Variants in NRDC observed in about 807,000 individuals in gnomAD.
NRDC encodes nardilysin convertase.
NRDC carries 54 observed loss-of-function variants against 147.1 expected under a neutral mutation model. That is an observed-to-expected ratio of 0.37 (90% CI 0.29 to 0.46). The LOEUF (loss-of-function observed/expected upper bound fraction) is 0.46, where lower values mean the gene tolerates loss of function less well. NRDC is among the 20% of genes least tolerant of loss of function. The probability of loss-of-function intolerance (pLI) is 1.00; values close to 1 mark genes in which losing one functional copy is unlikely to be tolerated. For missense variants in NRDC, 1,082 were observed against 1,370.6 expected (o/e 0.79, Z 3.33); for synonymous variants, 440 against 482.1 (o/e 0.91, Z 1.14).
In NRDC at chr1:51,814,540, G is replaced by A; in HGVS notation, c.1619+11C>T. On this transcript the variant is annotated intron_variant, in intron 13 of 30. Transcript: ENST00000352171. The stretch of plus-strand genomic sequence containing the variant: ...CTGGCTCCTGGCCTCATTCCAGGAA[G>A]TGTTTATTACCTTTTTTCTGGGCCT... 6.2e-7 allele frequency: 1 copy of A among 1,612,142 alleles called. No homozygotes were observed. The highest frequency in any genetic ancestry group is 8.5e-7 in the Non-Finnish European group (1 of 1,178,424).
At chr1:51,813,051 G>T (rs1304336981) in intron 14 of NRDC, among the ~76,000 whole-genome samples, 1 of 151,906 alleles carries the variant, frequency 6.6e-6, no homozygotes, top group Non-Finnish European at 1.5e-5. Context: ...AGGCCAATGA[G>T]GGAGGATAAC....
intron 6 of NRDC, among the ~76,000 whole-genome samples, chr1:51,824,404 G>T (rs150790810): frequency 6.6e-6 from 1 of 152,044 alleles, no homozygotes; most frequent in Admixed American, 6.6e-5. Context: ...GATTACAGGC[G>T]TGAGCCACCG....
chr1:51,813,533 G>A (rs1392417470), intron 14 of NRDC, among the ~76,000 whole-genome samples: 2 of 152,058 alleles, frequency 1.3e-5, no homozygotes, highest in Non-Finnish European at 2.9e-5. Context: ...CTGGGCTCAA[G>A]CAACCTGCCT....
At chr1:51,804,047 G>T in intron 19 of NRDC, 83 bp from the exon 20 acceptor site, 1 of 1,212,878 alleles carries the variant, frequency 8.2e-7, no homozygotes, top group Non-Finnish European at 1.1e-6. Context: ...AGAGTAAGCA[G>T]CTTCATTTTT....
intron 5 of NRDC, among the ~76,000 whole-genome samples, chr1:51,825,838 A>C (rs760990663): frequency 6.6e-6 from 1 of 152,212 alleles, no homozygotes; most frequent in Non-Finnish European, 1.5e-5. Flanking sequence ...ACCGCTAAAG[A>C]CTGAATGTTT....
chr1:51,819,796 A>T lies in NRDC; in HGVS notation c.1291+4T>A, dbSNP rs1243420700. The T allele has an allele frequency of 6.3e-7, 1 of 1,599,490 alleles. No individual in the cohort carries two copies. Among genetic ancestry groups the T allele is most frequent in the Admixed American group, 1.7e-5 (1 of 59,088 alleles). ...AAACAGTTTTAAACTTTTGGTTCAC[A>T]AACCTCTATAAAGTTTGTTAAATGC... is the stretch of plus-strand genomic sequence containing the variant. On this transcript the variant is annotated splice_donor_region_variant and intron_variant, in intron 9 of 30. Coordinates refer to ENST00000352171, the MANE Select transcript of NRDC (RefSeq NM_001101662.2).
chr1:51,792,551 T>C (rs1678706379), intron 24 of NRDC, 127 bp from the exon 25 acceptor site: 3 of 782,040 alleles, frequency 3.8e-6, no homozygotes, highest in East Asian at 2.6e-5. Context: ...GAGTTAATCA[T>C]ACTTTGATGT....
chr1:51,872,322 TA>T (rs1388511520), intron 1 of NRDC, among the ~76,000 whole-genome samples: 2 of 152,080 alleles, frequency 1.3e-5, no homozygotes, highest in Non-Finnish European at 2.9e-5. Context: ...CTTATTTTCC[TA>T]AAACACACAG....
chr1:51,801,416 C>T (rs1679190370), intron 20 of NRDC: 1 of 152,038 alleles, frequency 6.6e-6, no homozygotes, highest in Non-Finnish European at 1.5e-5. Flanking sequence ...GCCTCATACT[C>T]CGGAGGAGTT....
intron 6 of NRDC, among the ~76,000 whole-genome samples, chr1:51,824,025 C>T (rs933338837): frequency 1.3e-5 from 2 of 151,760 alleles, no homozygotes; most frequent in African/African-American, 4.8e-5. Context: ...CTTAAAAAAA[C>T]AGACAATAAC....
chr1:51,800,849 G>C (rs529302735), intron 20 of NRDC, 166 bp from the exon 21 acceptor site: 1 of 641,958 alleles, frequency 1.6e-6, no homozygotes, highest in Non-Finnish European at 2.6e-6. Flanking sequence ...TGTTTGTTTG[G>C]GTGTTACCTG....
At chr1:51,869,203 A>C (rs2124119607) in intron 1 of NRDC, among the ~76,000 whole-genome samples, 1 of 152,192 alleles carries the variant, frequency 6.6e-6, no homozygotes, top group South Asian at 2.1e-4. Flanking sequence ...TCCTGCCTTG[A>C]CTTAAGATGC....
intron 22 of NRDC, among the ~76,000 whole-genome samples, chr1:51,796,388 C>T (rs1038804132): frequency 5.3e-5 from 8 of 151,504 alleles, no homozygotes; most frequent in Non-Finnish European, 8.8e-5. Flanking sequence ...ACAAGATGCC[C>T]ACCACCACAC....
chr1:51,866,933 T>C (rs536143017), intron 1 of NRDC, among the ~76,000 whole-genome samples: 8 of 152,278 alleles, frequency 5.3e-5, no homozygotes, highest in African/African-American at 1.9e-4. Flanking sequence ...CTGTTATCTG[T>C]AAGGTTTTGT....
intron 1 of NRDC, among the ~76,000 whole-genome samples, chr1:51,858,558 C>A (rs1354267526): frequency 6.6e-6 from 1 of 151,142 alleles, no homozygotes; most frequent in Non-Finnish European, 1.5e-5. Context: ...GGCATAAACA[C>A]TATCCTGCCT....
chr1:51,789,285 G>A lies in NRDC; in HGVS notation c.3407C>T (p.Ala1136Val). The A allele has an allele frequency of 6.2e-7, 1 of 1,614,144 alleles. No homozygotes were observed. Among genetic ancestry groups the A allele is most frequent in the Non-Finnish European group, 8.5e-7 (1 of 1,179,998 alleles). ...GAGAAGGTTGAGTGTTGTTGTGAAA[G>A]CCCTGATATCAGTAATGGGGATGAT... The part of the protein sequence containing the change: ...DCIIPITDIR[A>V]FTTTLNLLPY... The change falls in exon 31 of 31, where the codon GCT becomes GTT. Residue 1136 changes from alanine to valine, a missense_variant. By Grantham distance (64) the Ala-to-Val change is moderately conservative. Coordinates refer to ENST00000352171, the MANE Select transcript of NRDC (RefSeq NM_001101662.2).
intron 1 of NRDC, among the ~76,000 whole-genome samples, chr1:51,851,013 C>A (rs1681920283): frequency 6.6e-6 from 1 of 152,180 alleles, no homozygotes; most frequent in Non-Finnish European, 1.5e-5. Context: ...GGTGCCTCAT[C>A]TGTACCACAT....
At chr1:51,872,877 TACAAG>T (rs1044806686) in intron 1 of NRDC, among the ~76,000 whole-genome samples, 1 of 149,034 alleles carries the variant, frequency 6.7e-6, no homozygotes, top group Non-Finnish European at 1.5e-5. Flanking sequence ...ACCTTTACTT[TACAAG>T]ACAAGTGAGA....
intron 1 of NRDC, among the ~76,000 whole-genome samples, chr1:51,852,004 T>C (rs1681973093): frequency 6.6e-6 from 1 of 152,172 alleles, no homozygotes; most frequent in South Asian, 2.1e-4. Flanking sequence ...CTGTCCTCCA[T>C]CTGTGAGGGG....
Sources: gnomAD v4.1 joint callset for allele counts (sites outside exome capture counted in the v4.1 genomes callset) on GRCh38, gnomAD v4.1.1 for gene constraint, MANE v1.5 for transcripts, NCBI Gene and HGNC (gene_info 2026-07-23, HGNC 2026-07-21) for gene names.